Variants in EXOC6B observed in about 807,000 individuals in gnomAD.
EXOC6B encodes the protein exocyst complex component 6B.
In EXOC6B, 54 loss-of-function variants were observed where a neutral mutation model predicts 113.5. The observed-to-expected ratio is 0.48, with a 90% CI of 0.38 to 0.60. The LOEUF (loss-of-function observed/expected upper bound fraction) is 0.60. Ranked by LOEUF, EXOC6B falls within the 20% of genes least tolerant of loss-of-function variation. EXOC6B has a pLI of 0.00. For synonymous variants in EXOC6B, 357 were observed against 339.0 expected, an observed-to-expected ratio of 1.05 and a Z score of -0.58; for missense variants, 797 against 977.5, an observed-to-expected ratio of 0.82 and a Z score of 2.46.
At chr2:72,689,778 C>T (rs1185806435) in intron 6 of EXOC6B, among the ~76,000 whole-genome samples, 1 of 152,160 alleles carries the variant, frequency 6.6e-6, no homozygotes, top group Admixed American at 6.6e-5. Context: ...CCCATGAGTC[C>T]ATAATGCAGC....
intron 6 of EXOC6B, among the ~76,000 whole-genome samples, chr2:72,619,303 G>A (rs78725961): frequency 0.015 from 2,311 of 152,032 alleles, 73 homozygotes; most frequent in African/African-American, 0.053. Context: ...TAAAAGAGTC[G>A]AGTTGGGTTT....
chr2:72,296,704 A>G (rs1686157860), intron 20 of EXOC6B, among the ~76,000 whole-genome samples: 1 of 152,234 alleles, frequency 6.6e-6, no homozygotes, highest in Non-Finnish European at 1.5e-5. Context: ...AGAGAAGAGT[A>G]AAACACATCT....
At chr2:72,491,656 C>T (rs1699752090) in intron 16 of EXOC6B, among the ~76,000 whole-genome samples, 1 of 152,098 alleles carries the variant, frequency 6.6e-6, no homozygotes, top group Non-Finnish European at 1.5e-5. Context: ...TTTAGAACTA[C>T]ACACCAATAG....
At chr2:72,765,764 T>G (rs1283080364) in intron 1 of EXOC6B, among the ~76,000 whole-genome samples, 1 of 152,156 alleles carries the variant, frequency 6.6e-6, no homozygotes, top group Non-Finnish European at 1.5e-5. Context: ...ATAGTAAGAA[T>G]GGGTCTGCCA....
chr2:72,404,105 C>A (rs1252083715), intron 18 of EXOC6B, among the ~76,000 whole-genome samples: 1 of 152,212 alleles, frequency 6.6e-6, no homozygotes, highest in East Asian at 1.9e-4. Context: ...TGGAGCCTTG[C>A]TCATTGCTAG....
At chr2:72,425,794 A>C (rs1420606346) in intron 18 of EXOC6B, among the ~76,000 whole-genome samples, 1 of 152,176 alleles carries the variant, frequency 6.6e-6, no homozygotes, top group Non-Finnish European at 1.5e-5. Flanking sequence ...TTTTAGAGAC[A>C]GATCATAAAA....
intron 8 of EXOC6B, among the ~76,000 whole-genome samples, chr2:72,555,875 A>G (rs1703512891): frequency 6.6e-6 from 1 of 152,074 alleles, no homozygotes; most frequent in African/African-American, 2.4e-5. Context: ...CAAACTCCTG[A>G]CCTCAAGCAA....
intron 18 of EXOC6B, among the ~76,000 whole-genome samples, chr2:72,437,951 T>A (rs938746099): frequency 6.6e-6 from 1 of 152,044 alleles, no homozygotes; most frequent in African/African-American, 2.4e-5. Flanking sequence ...ATTTATGTGA[T>A]TAAATTTGCA....
chr2:72,183,756 C>T (rs537792936), intron 21 of EXOC6B, among the ~76,000 whole-genome samples: 1 of 150,530 alleles, frequency 6.6e-6, no homozygotes, highest in South Asian at 2.1e-4. Context: ...AGCCCCAAAC[C>T]GAGCCATTTT....
chr2:72,479,309 AAAC>A (rs1698936297), intron 17 of EXOC6B, among the ~76,000 whole-genome samples: 1 of 152,196 alleles, frequency 6.6e-6, no homozygotes, highest in Non-Finnish European at 1.5e-5. Context: ...TGTTTTTTTC[AAAC>A]AATAGAAAAA....
intron 12 of EXOC6B, among the ~76,000 whole-genome samples, chr2:72,499,250 A>G (rs1267423338): frequency 6.7e-6 from 1 of 149,978 alleles, no homozygotes; most frequent in African/African-American, 2.5e-5. Context: ...TTTTTTTTTA[A>G]GACAGAGTTT....
intron 20 of EXOC6B, among the ~76,000 whole-genome samples, chr2:72,201,128 T>C (rs1342342277): frequency 6.6e-6 from 1 of 152,204 alleles, no homozygotes; most frequent in African/African-American, 2.4e-5. Context: ...GGCATACATA[T>C]GTGACATTAT....
intron 1 of EXOC6B, among the ~76,000 whole-genome samples, chr2:72,798,445 C>A (rs1288668975): frequency 6.6e-6 from 1 of 151,718 alleles, no homozygotes; most frequent in Non-Finnish European, 1.5e-5. Flanking sequence ...AAAATAGCAC[C>A]ATGCGAGACA....
intron 6 of EXOC6B, among the ~76,000 whole-genome samples, chr2:72,621,203 C>T (rs972478390): frequency 6.6e-6 from 1 of 152,100 alleles, no homozygotes; most frequent in Non-Finnish European, 1.5e-5. Flanking sequence ...CACATGCACC[C>T]ATTATGTTCA....
chr2:72,554,898 C>T (rs767830913), intron 8 of EXOC6B, among the ~76,000 whole-genome samples: 3 of 152,130 alleles, frequency 2.0e-5, no homozygotes, highest in Non-Finnish European at 4.4e-5. Context: ...AATGCTATCC[C>T]TCCCCCAGAC....
chr2:72,506,449 T>G (rs1278457488), intron 11 of EXOC6B, among the ~76,000 whole-genome samples: 1 of 152,194 alleles, frequency 6.6e-6, no homozygotes, highest in East Asian at 1.9e-4. Flanking sequence ...AATCCAAGTT[T>G]GAGTTATGAA....
intron 20 of EXOC6B, among the ~76,000 whole-genome samples, chr2:72,307,161 G>GTTTTTTTTTTTT (rs1553371308): frequency 7.0e-5 from 9 of 128,508 alleles, no homozygotes; most frequent in African/African-American, 3.4e-4. Context: ...GTATAGTCCA[G>GTTTTTTTTTTTT]TTTTTTTTTT....
chr2:72,459,593 C>T (rs1208660010), intron 18 of EXOC6B, among the ~76,000 whole-genome samples: 4 of 152,112 alleles, frequency 2.6e-5, no homozygotes. Flanking sequence ...CATGAGTGAA[C>T]TCTCATTCAC....
At chr2:72,805,169 A>G (rs900193832) in intron 1 of EXOC6B, among the ~76,000 whole-genome samples, 1 of 152,254 alleles carries the variant, frequency 6.6e-6, no homozygotes, top group East Asian at 1.9e-4. Context: ...ACTGCCAAGC[A>G]GCAAAAACAA....
Sources: gnomAD v4.1 joint callset for allele counts (sites outside exome capture counted in the v4.1 genomes callset) on GRCh38, gnomAD v4.1.1 for gene constraint, MANE v1.5 for transcripts, NCBI Gene and HGNC (gene_info 2026-07-23, HGNC 2026-07-21) for gene names.